Variants in KIAA1549L observed in about 807,000 individuals in gnomAD.
KIAA1549L encodes KIAA1549 like.
KIAA1549L carries 88 observed loss-of-function variants against 160.7 expected under a neutral mutation model. That is an observed-to-expected ratio of 0.55 (90% CI 0.46 to 0.65). The LOEUF (loss-of-function observed/expected upper bound fraction) is 0.65, where lower values mean the gene tolerates loss of function less well. Among genes scored for constraint, KIAA1549L ranks in the 30% least tolerant of loss-of-function variants. KIAA1549L has a pLI of 0.00. For synonymous variants in KIAA1549L, 950 were observed against 976.7 expected (o/e 0.97, Z 0.51); for missense variants, 2,258 against 2,437.5 (o/e 0.93, Z 1.55).
chr11:33,497,039 C>T (rs1448465047), intron 1 of KIAA1549L, among the ~76,000 whole-genome samples: 1 of 152,136 alleles, frequency 6.6e-6, no homozygotes, highest in East Asian at 1.9e-4. Flanking sequence ...CTACCCCTTA[C>T]CACTCACACG....
rs1192868089 is a variant in KIAA1549L, at chr11:33,544,101, A to G, written c.2538A>G (p.Leu846=). 1.2e-6 allele frequency: 2 copies of G among 1,613,880 alleles called. No individual in the cohort carries two copies. Among genetic ancestry groups the G allele is most frequent in the African/African-American group, 2.7e-5 (2 of 74,918 alleles). The change falls in exon 2 of 21, where the codon CTA becomes CTG. Residue 846 remains leucine, a synonymous_variant. Transcript: ENST00000658780. ...LPNQPAHPLL[L]TSPGPTSTGS... is the part of the protein sequence containing the mutation. Reference sequence around the variant, plus strand: ...ACCAGCCAGCACATCCTCTTTTGCTAACCTCACCAGGACCAACTTCTACAG... The same window carrying G: ...ACCAGCCAGCACATCCTCTTTTGCTGACCTCACCAGGACCAACTTCTACAG...
At chr11:33,450,105 C>G (rs552448197) in intron 1 of KIAA1549L, among the ~76,000 whole-genome samples, 1 of 152,210 alleles carries the variant, frequency 6.6e-6, no homozygotes, top group Non-Finnish European at 1.5e-5. Flanking sequence ...TCTGATAACA[C>G]TCAAGCATAA....
At chr11:33,630,771 G>A (rs369346958) in intron 16 of KIAA1549L, among the ~76,000 whole-genome samples, 11 of 152,302 alleles carry the variant, frequency 7.2e-5, no homozygotes, top group East Asian at 3.9e-4. Flanking sequence ...GCTGTAGACC[G>A]GAGCTGTTCC....
At chr11:33,574,318 C>T (rs1458196351) in intron 9 of KIAA1549L, among the ~76,000 whole-genome samples, 1 of 151,932 alleles carries the variant, frequency 6.6e-6, no homozygotes, top group Non-Finnish European at 1.5e-5. Context: ...ATTTTTCTCC[C>T]TTTCTGGCAA....
chr11:33,529,128 G>A (rs1215315942), intron 1 of KIAA1549L, among the ~76,000 whole-genome samples: 1 of 152,098 alleles, frequency 6.6e-6, no homozygotes, highest in Admixed American at 6.5e-5. Context: ...TTGAGCTCAG[G>A]AATTTGAGAC....
Position 33,551,117 on chromosome 11 carries a change from T to C in KIAA1549L, c.3579T>C (p.Ala1193=). ...AAGGGAAGTTGGTGTATTTGCCTGC[T>C]GTGGTGATCGAAATGCTGGGTGTGT... ...ATKGKLVYLP[A]VVIEMLGVYG... is the part of the protein sequence containing the mutation. Residue 1193 remains alanine, a synonymous_variant, in exon 5 of 21, where the codon GCT becomes GCC. Coordinates refer to ENST00000658780, the MANE Select transcript of KIAA1549L (RefSeq NM_012194.3). 1 of 1,614,004 alleles carries C rather than the reference T, an allele frequency of 6.2e-7. No individual in the cohort carries two copies.
intron 1 of KIAA1549L, among the ~76,000 whole-genome samples, chr11:33,487,402 C>CTTTTT (rs112165825): frequency 3.5e-5 from 3 of 85,546 alleles, no homozygotes; most frequent in Non-Finnish European, 4.9e-5. Flanking sequence ...GTCTATTGTT[C>CTTTTT]TTTTTTTTTT....
Position 33,393,584 on chromosome 11 carries a change from G to T in KIAA1549L, c.238+16695G>T, listed in dbSNP as rs545975950. Among the ~76,000 whole-genome samples the T allele has an allele frequency of 6.6e-5, 10 of 152,348 alleles. No homozygotes were observed. The East Asian group carries it at 1.9e-3, about 29-fold the overall frequency. ...AAACAATGAGCTAAGTACCTAGTGG[G>T]ACAACTTGCTTAGAGAAAGAGGGAG... On this transcript the variant is annotated intron_variant, in intron 1 of 20. Transcript: ENST00000658780.
chr11:33,615,282 C>T (rs1258007471), intron 15 of KIAA1549L, among the ~76,000 whole-genome samples: 1 of 152,054 alleles, frequency 6.6e-6, no homozygotes, highest in African/African-American at 2.4e-5. Flanking sequence ...TCTGTGGAAC[C>T]CCAGGGTTCC....
intron 16 of KIAA1549L, among the ~76,000 whole-genome samples, chr11:33,630,860 G>T (rs923367405): frequency 1.4e-4 from 21 of 152,208 alleles, no homozygotes; most frequent in African/African-American, 5.1e-4. Flanking sequence ...TACTCTGCTG[G>T]CTGGCATTAG....
intron 1 of KIAA1549L, among the ~76,000 whole-genome samples, chr11:33,488,004 G>A (rs964498922): frequency 1.3e-4 from 20 of 152,330 alleles, no homozygotes; most frequent in African/African-American, 2.6e-4. Context: ...TGGGCATTGC[G>A]AGACTGGTTC....
In KIAA1549L at chr11:33,617,049, A is replaced by C. The variant is rs532459251; in HGVS notation, c.5280-1484A>C. Among the ~76,000 whole-genome samples, 7 of 151,922 alleles carry C rather than the reference A, an allele frequency of 4.6e-5. No individual in the cohort carries two copies. The South Asian group carries it at 1.5e-3, about 32-fold the overall frequency. The stretch of plus-strand genomic sequence containing the variant: ...CCAGCTACTCAGGAGGGTGAGATGG[A>C]AGGATCACCTAATCCAAGGAGGTCA... On this transcript the variant is annotated intron_variant, in intron 15 of 20. Transcript: ENST00000658780.
At chr11:33,570,006 C>CT (rs34297267) in intron 9 of KIAA1549L, among the ~76,000 whole-genome samples, 78,018 of 134,080 alleles carry the variant, frequency 0.58, 23,142 homozygotes, top group Middle Eastern at 0.69. Flanking sequence ...CTCTCTCTCT[C>CT]TTTTTTTTTT....
In KIAA1549L at chr11:33,542,485, GA is replaced by G; in HGVS notation, c.923del (p.Asp308ValfsTer3). ...MDHTASQNAQ[D>X]LIGIPHLGVS... ...CCACACTGCATCCCAAAATGCCCAG[GA>G]TCTCATAGGCATCCCTCATCTAGGT... On this transcript the variant is annotated frameshift_variant, in exon 2 of 21. Transcript: ENST00000658780. LOFTEE classifies it high-confidence loss of function. The G allele has an allele frequency of 6.2e-7, 1 of 1,613,430 alleles. No individual in the cohort carries two copies. The highest frequency in any genetic ancestry group is 1.3e-5 in the African/African-American group (1 of 74,982).
chr11:33,605,207 C>T (rs981598124), intron 13 of KIAA1549L, among the ~76,000 whole-genome samples: 1 of 151,912 alleles, frequency 6.6e-6, no homozygotes, highest in Admixed American at 6.6e-5. Context: ...TACAACTAAG[C>T]CTTGGAAGTA....
intron 1 of KIAA1549L, among the ~76,000 whole-genome samples, chr11:33,436,695 A>G (rs546467515): frequency 6.6e-6 from 1 of 152,378 alleles, no homozygotes; most frequent in South Asian, 2.1e-4. Context: ...AACTTGTTCA[A>G]GGTCACATGC....
intron 12 of KIAA1549L, among the ~76,000 whole-genome samples, chr11:33,593,258 C>T (rs901921842): frequency 2.0e-5 from 3 of 152,000 alleles, no homozygotes; most frequent in Non-Finnish European, 4.4e-5. Context: ...AGCAAGACCT[C>T]GTCTCTACAA....
chr11:33,576,956 G>A (rs1855470409), intron 10 of KIAA1549L, among the ~76,000 whole-genome samples: 1 of 152,182 alleles, frequency 6.6e-6, no homozygotes, highest in Non-Finnish European at 1.5e-5. Context: ...GACATTTAGA[G>A]CTAAGGGAAT....
At chr11:33,420,259 G>T in intron 1 of KIAA1549L, among the ~76,000 whole-genome samples, 1 of 122,494 alleles carries the variant, frequency 8.2e-6, no homozygotes, top group Non-Finnish European at 1.7e-5. Flanking sequence ...TTTGAGACAG[G>T]ATCTTACTCT....
Sources: gnomAD v4.1 joint callset for allele counts (sites outside exome capture counted in the v4.1 genomes callset) on GRCh38, gnomAD v4.1.1 for gene constraint, MANE v1.5 for transcripts, NCBI Gene and HGNC (gene_info 2026-07-23, HGNC 2026-07-21) for gene names.